The following CCDC18 variants were observed in gnomAD, a reference collection of about 807,000 sequenced individuals.
CCDC18 encodes coiled-coil domain-containing protein 18.
A neutral mutation model predicts 196.0 loss-of-function variants in CCDC18; 157 were observed. The observed-to-expected ratio is 0.80, with a 90% CI of 0.70 to 0.91. The LOEUF (loss-of-function observed/expected upper bound fraction) is 0.91. CCDC18 is among the 40% of genes least tolerant of loss of function. The probability of loss-of-function intolerance (pLI) is 0.00; values close to 1 mark genes in which losing one functional copy is unlikely to be tolerated. For missense variants in CCDC18, 1,465 were observed against 1,611.6 expected (o/e 0.91, Z 1.56); for synonymous variants, 482 against 529.2 (o/e 0.91, Z 1.22).
intron 6 of CCDC18, among the ~76,000 whole-genome samples, chr1:93,196,251 G>C (rs746624653): frequency 6.6e-6 from 1 of 152,176 alleles, no homozygotes; most frequent in African/African-American, 2.4e-5. Context: ...TTGAGCCTAG[G>C]AGGCAGAGAT....
chr1:93,251,879 C>G (rs1662297397), intron 23 of CCDC18, among the ~76,000 whole-genome samples: 2 of 152,144 alleles, frequency 1.3e-5, no homozygotes, highest in African/African-American at 2.4e-5. Context: ...CTTTGTCTTT[C>G]TCAGTTCCCT....
In CCDC18 at chr1:93,258,815, C is replaced by G. The variant is rs1663389002; in HGVS notation, c.3614C>G (p.Ala1205Gly). 6.3e-7 allele frequency: 1 copy of G among 1,597,624 alleles called. No homozygotes were observed. The highest frequency in any genetic ancestry group is 8.5e-7 in the Non-Finnish European group (1 of 1,172,488). ...AAAGTACGTGAAGCTCATTTAGAAG[C>G]AAGAATGCAAGCAGAAATCAAGAAA... ...ASKVREAHLE[A>G]RMQAEIKKLS... Residue 1205 changes from alanine (A) to glycine (G), a missense_variant, in exon 26 of 29, where the codon GCA becomes GGA. Coordinates refer to ENST00000690025, the MANE Select transcript of CCDC18 (RefSeq NM_001378204.1).
intron 9 of CCDC18, among the ~76,000 whole-genome samples, chr1:93,208,961 G>A (rs915144536): frequency 1.3e-5 from 2 of 151,888 alleles, no homozygotes; most frequent in African/African-American, 4.8e-5. Flanking sequence ...ACCATGCCCG[G>A]CCTTTTATTT....
chr1:93,227,084 TG>T (rs998270760), intron 17 of CCDC18, among the ~76,000 whole-genome samples: 1 of 152,066 alleles, frequency 6.6e-6, no homozygotes, highest in African/African-American at 2.4e-5. Context: ...TTTTTCATTT[TG>T]TTTTTGTTCT....
chr1:93,190,618 T>C (rs1182628462), intron 4 of CCDC18: 2 of 260,382 alleles, frequency 7.7e-6, no homozygotes, highest in Non-Finnish European at 1.4e-5. Context: ...GGTGGTTCTT[T>C]TGTAGGGAAA....
chr1:93,273,901 C>G lies in CCDC18; in HGVS notation c.4353+3087C>G, dbSNP rs1450872079. Among the ~76,000 whole-genome samples the G allele has an allele frequency of 3.9e-5, 6 of 152,194 alleles. No homozygotes were observed. The East Asian group carries it at 1.2e-3, about 29-fold the overall frequency. On this transcript the variant is annotated intron_variant, in intron 28 of 28. Transcript: ENST00000690025. ...AACTCATTTAATCCTTATAACAACC[C>G]CCTGATAGGTACTATTATCTGAATA...
intron 4 of CCDC18, chr1:93,190,840 T>G: frequency 1.4e-6 from 1 of 723,074 alleles, no homozygotes; most frequent in South Asian, 1.4e-5. Flanking sequence ...GCAGTTGGGC[T>G]CAGTGCACTC....
rs1162393757 is a variant in CCDC18, at chr1:93,277,351, C to T, written c.4354-1112C>T. ...CCTTTACGGGTGTCGGGCTGGGGGA[C>T]GGTCAGGTCTTTCCCTTCCCACGAG... On this transcript the variant is annotated intron_variant, in intron 28 of 28. Coordinates refer to ENST00000690025, the MANE Select transcript of CCDC18 (RefSeq NM_001378204.1). 5.4e-5 allele frequency among the ~76,000 whole-genome samples: 3 copies of T among 55,812 alleles called. No homozygotes were observed. In the African/African-American group the frequency reaches 5.5e-4, roughly 10 times the overall value. 36.6% of individuals were successfully genotyped at this position (55,812 alleles called of 152,430 possible).
At chr1:93,210,232 T>C (rs1655390565) in intron 9 of CCDC18, among the ~76,000 whole-genome samples, 2 of 152,240 alleles carry the variant, frequency 1.3e-5, no homozygotes, top group South Asian at 4.1e-4. Flanking sequence ...CTTGCTCCTT[T>C]TTATAACTGT....
At chr1:93,188,351 A>T (rs1651082805) in intron 4 of CCDC18, among the ~76,000 whole-genome samples, 1 of 152,144 alleles carries the variant, frequency 6.6e-6, no homozygotes, top group African/African-American at 2.4e-5. Context: ...CCTGCTGTCC[A>T]ACTGCTACCC....
intron 27 of CCDC18, among the ~76,000 whole-genome samples, chr1:93,266,747 G>A (rs1308887742): frequency 1.3e-5 from 2 of 152,144 alleles, no homozygotes; most frequent in East Asian, 1.9e-4. Flanking sequence ...AAACCAGGAA[G>A]AAGTTGAATC....
intron 23 of CCDC18, 96 bp downstream of exon 23, chr1:93,247,050 T>C: frequency 3.3e-6 from 2 of 609,006 alleles, no homozygotes. Context: ...TTTTTTGTTA[T>C]TGTTGTTTTG....
intron 6 of CCDC18, among the ~76,000 whole-genome samples, chr1:93,196,718 A>C (rs1234191275): frequency 6.6e-6 from 1 of 152,212 alleles, no homozygotes; most frequent in Non-Finnish European, 1.5e-5. Flanking sequence ...GTGTATATGG[A>C]ACCATGTAGT....
At chr1:93,259,005 T>A in intron 26 of CCDC18, 120 bp downstream of exon 26, 1 of 781,526 alleles carries the variant, frequency 1.3e-6, no homozygotes, top group African/African-American at 1.8e-5. Context: ...GGTCTTCATT[T>A]CTGGTAGCCT....
chr1:93,254,949 T>TC (rs1185515459), intron 24 of CCDC18, among the ~76,000 whole-genome samples: 5 of 120,124 alleles, frequency 4.2e-5, no homozygotes, highest in African/African-American at 1.6e-4. Flanking sequence ...AGCTTTTTTT[T>TC]TTTTTTTTTT....
chr1:93,238,943 T>G (rs1660405030), intron 19 of CCDC18, among the ~76,000 whole-genome samples: 1 of 152,200 alleles, frequency 6.6e-6, no homozygotes, highest in African/African-American at 2.4e-5. Context: ...ATGGTTTTTA[T>G]GGTGAATAAT....
rs1313331382 is a variant in CCDC18 at position 93,201,889 on chromosome 1, T to G, written c.699-3T>G. Reference sequence around the variant, plus strand: ...TTATTCATTATCTCTTTTTAAATTTTAGAGCTGAACGACAAAGGAATGAAG... The same window carrying G: ...TTATTCATTATCTCTTTTTAAATTTGAGAGCTGAACGACAAAGGAATGAAG... On this transcript the variant is annotated splice_polypyrimidine_tract_variant and splice_region_variant and intron_variant, in intron 6 of 28. Transcript: ENST00000690025. The G allele has an allele frequency of 6.4e-7, 1 of 1,563,902 alleles. No individual in the cohort carries two copies. Among genetic ancestry groups the G allele is most frequent in the African/African-American group, 1.4e-5 (1 of 72,560 alleles).
In CCDC18 at chr1:93,239,810, C is replaced by A; in HGVS notation, c.2895C>A (p.Leu965=). 1.2e-6 allele frequency: 2 copies of A among 1,613,234 alleles called. No individual in the cohort carries two copies. Among genetic ancestry groups the A allele is most frequent in the Non-Finnish European group, 1.7e-6 (2 of 1,179,446 alleles). The stretch of plus-strand genomic sequence containing the variant: ...AATTAAAAAGTACTTTAAGACAACT[C>A]CAGGAATTGAGAGATGTACTACAGA... ...HGELKSTLRQ[L]QELRDVLQKA... is the part of the protein sequence containing the mutation. Residue 965 remains leucine (L), a synonymous_variant, in exon 21 of 29, where the codon CTC becomes CTA. Transcript: ENST00000690025.
chr1:93,244,961 A>G (rs1462265865), intron 21 of CCDC18, among the ~76,000 whole-genome samples: 3 of 152,142 alleles, frequency 2.0e-5, no homozygotes, highest in Non-Finnish European at 4.4e-5. Flanking sequence ...TACCCACTCT[A>G]AAGTAGCCAC....
Sources: allele counts gnomAD v4.1 joint callset (sites outside exome capture counted in the v4.1 genomes callset), GRCh38; gene constraint gnomAD v4.1.1; transcripts MANE v1.5; gene names NCBI Gene and HGNC (gene_info 2026-07-23, HGNC 2026-07-21).